Variants in MRPL14 observed in about 807,000 individuals in gnomAD.
MRPL14 encodes the protein mitochondrial ribosomal protein L14.
In MRPL14, 8 loss-of-function variants were observed where a neutral mutation model predicts 10.9. The ratio of observed to expected loss-of-function variants is 0.74; its 90% CI spans 0.43 to 1.33. MRPL14 has a LOEUF of 1.33. Among genes scored for constraint, MRPL14 ranks in the 40% most tolerant of loss-of-function variants. The pLI is 0.01. For missense variants in MRPL14, 179 were observed against 194.5 expected (o/e 0.92, Z 0.47); for synonymous variants, 82 against 74.1 (o/e 1.11, Z -0.54).
chr6:44,114,754 G>A (rs1057247639), intron 2 of MRPL14, among the ~76,000 whole-genome samples: 1 of 152,088 alleles, frequency 6.6e-6, no homozygotes, highest in South Asian at 2.1e-4. Context: ...GAATACATGC[G>A]CCTGCTGCCA....
At chr6:44,116,204 TA>T (rs749788644) in intron 2 of MRPL14, among the ~76,000 whole-genome samples, 1 of 152,208 alleles carries the variant, frequency 6.6e-6, no homozygotes, top group African/African-American at 2.4e-5. Flanking sequence ...TTTTTGTAAT[TA>T]AAAAAATTCC....
chr6:44,125,895 T>C (rs1776967658), intron 1 of MRPL14, among the ~76,000 whole-genome samples: 1 of 152,222 alleles, frequency 6.6e-6, no homozygotes, highest in African/African-American at 2.4e-5. Flanking sequence ...CATCTCCATC[T>C]TCCTTTCTTT....
chr6:44,120,666 AAACT>A (rs1174759306), intron 1 of MRPL14, among the ~76,000 whole-genome samples: 1 of 152,234 alleles, frequency 6.6e-6, no homozygotes, highest in Non-Finnish European at 1.5e-5. Context: ...CCAAAAAAAC[AAACT>A]GTTATACCCT....
At chr6:44,118,643 A>C (rs1161452225) in intron 1 of MRPL14, among the ~76,000 whole-genome samples, 3 of 152,214 alleles carry the variant, frequency 2.0e-5, no homozygotes, top group Admixed American at 1.3e-4. Context: ...GTCACACAGC[A>C]GGCTAAGTGT....
intron 1 of MRPL14, among the ~76,000 whole-genome samples, chr6:44,121,768 C>T (rs1776441807): frequency 6.6e-6 from 1 of 152,130 alleles, no homozygotes; most frequent in South Asian, 2.1e-4. Flanking sequence ...AGTGAAACCC[C>T]GTCTCTACCA....
At position 44,113,819 on chromosome 6, in the gene MRPL14, T is replaced by C; in HGVS notation, c.*24A>G. 3 of 1,530,650 alleles carry C rather than the reference T, an allele frequency of 2.0e-6. No homozygotes were observed. Among genetic ancestry groups the C allele is most frequent in the South Asian group, 2.6e-5 (2 of 77,406 alleles). 94.8% of individuals were successfully genotyped at this position (1,530,650 alleles called of 1,614,324 possible). On this transcript the variant is annotated 3_prime_UTR_variant, in exon 3 of 3. Coordinates refer to ENST00000372014, the MANE Select transcript of MRPL14 (RefSeq NM_032111.4). ...TCAGAACTGCTCCATTCACGAGTCCTGCAACCAGAGGCCTGGGCTCAACTC... is the reference window on the plus strand; with the variant it reads ...TCAGAACTGCTCCATTCACGAGTCCCGCAACCAGAGGCCTGGGCTCAACTC...
At chr6:44,121,355 G>T (rs1317460041) in intron 1 of MRPL14, among the ~76,000 whole-genome samples, 1 of 108,544 alleles carries the variant, frequency 9.2e-6, no homozygotes, top group Non-Finnish European at 1.7e-5. Flanking sequence ...AAGAGCTGGG[G>T]TGGGGGGTGG....
At chr6:44,120,994 T>C (rs760492601) in intron 1 of MRPL14, among the ~76,000 whole-genome samples, 5 of 152,144 alleles carry the variant, frequency 3.3e-5, no homozygotes, top group Non-Finnish European at 5.9e-5. Flanking sequence ...ATCCCACCAC[T>C]AAAATAACTG....
At chr6:44,125,083 T>C (rs932327041) in intron 1 of MRPL14, among the ~76,000 whole-genome samples, 2 of 152,208 alleles carry the variant, frequency 1.3e-5, no homozygotes, top group African/African-American at 4.8e-5. Context: ...CAGGGAAATT[T>C]TGTTGTTGTT....
At chr6:44,119,513 G>A (rs754189036) in intron 1 of MRPL14, among the ~76,000 whole-genome samples, 23 of 151,550 alleles carry the variant, frequency 1.5e-4, no homozygotes, top group Non-Finnish European at 2.6e-4. Context: ...GGGCAATACA[G>A]TGAGACTCCA....
chr6:44,126,082 T>C (rs1241224238), intron 1 of MRPL14, among the ~76,000 whole-genome samples: 2 of 152,236 alleles, frequency 1.3e-5, no homozygotes, highest in Non-Finnish European at 2.9e-5. Context: ...ATTCCTGGCA[T>C]GCTAACTGCA....
At position 44,114,113 on chromosome 6, in the gene MRPL14, G is replaced by A. The variant is rs1775600671; in HGVS notation, c.168C>T (p.Arg56=). ...LGNSPYHRAP[R]CIHVYKKNGV... ...CATTCTTCTTATAGACATGGATGCA[G>A]CGAGGAGCCCGATGGTATGGGCTGT... The change falls in exon 3 of 3, where the codon CGC becomes CGT. Residue 56 remains arginine, a synonymous_variant. Transcript: ENST00000372014. The A allele has an allele frequency of 6.2e-7, 1 of 1,614,082 alleles. No individual in the cohort carries two copies. Among genetic ancestry groups the A allele is most frequent in the Non-Finnish European group, 8.5e-7 (1 of 1,180,052 alleles).
In MRPL14 at chr6:44,113,720, G is replaced by A. The variant is rs1775558263; in HGVS notation, c.*123C>T. ...AAATGAATACATTTATTCTCTCACA[G>A]GATACTACACTGTTACCCAGTGTGA... On this transcript the variant is annotated 3_prime_UTR_variant, in exon 3 of 3. Transcript: ENST00000372014. 2 of 961,062 alleles carry A rather than the reference G, an allele frequency of 2.1e-6. No individual in the cohort carries two copies. The highest frequency in any genetic ancestry group is 1.6e-5 in the African/African-American group (1 of 61,468). The allele number at this position is 961,062 out of a possible 1,614,324, so 59.5% of individuals were successfully genotyped here.
intron 1 of MRPL14, among the ~76,000 whole-genome samples, chr6:44,125,751 C>T (rs1028518920): frequency 9.3e-5 from 14 of 151,056 alleles, no homozygotes; most frequent in African/African-American, 3.4e-4. Flanking sequence ...TTTCAGATAT[C>T]CATTATAATA....
intron 1 of MRPL14, among the ~76,000 whole-genome samples, chr6:44,120,671 G>C (rs573573722): frequency 6.6e-6 from 1 of 152,260 alleles, no homozygotes; most frequent in East Asian, 1.9e-4. Flanking sequence ...AAAACAAACT[G>C]TTATACCCTC....
At chr6:44,121,491 G>A (rs890440195) in intron 1 of MRPL14, among the ~76,000 whole-genome samples, 1 of 152,142 alleles carries the variant, frequency 6.6e-6, no homozygotes, top group African/African-American at 2.4e-5. Context: ...GATTTCAATG[G>A]AATATGGGGG....
chr6:44,126,875 TC>T (rs1302250519), intron 1 of MRPL14: 1 of 152,174 alleles, frequency 6.6e-6, no homozygotes, highest in Non-Finnish European at 1.5e-5. Flanking sequence ...GGCGCACTCA[TC>T]AGCGTTGACA....
chr6:44,114,226 A>T lies in MRPL14; in HGVS notation c.72-17T>A, dbSNP rs778239598. On this transcript the variant is annotated splice_polypyrimidine_tract_variant and intron_variant, in intron 2 of 2. Coordinates refer to ENST00000372014, the MANE Select transcript of MRPL14 (RefSeq NM_032111.4). ...CCAGTGGTGCTGGTGGGAGGAAAAA[A>T]AAAAGTCTGCAGTCTGTATCTCTTA... 1 of 1,596,322 alleles carries T rather than the reference A, an allele frequency of 6.3e-7. No individual in the cohort carries two copies. Among genetic ancestry groups the T allele is most frequent in the Admixed American group, 1.7e-5 (1 of 58,178 alleles).
chr6:44,115,049 G>GA lies in MRPL14; in HGVS notation c.72-841dup, dbSNP rs544747422. On this transcript the variant is annotated intron_variant, in intron 2 of 2. Coordinates refer to ENST00000372014, the MANE Select transcript of MRPL14 (RefSeq NM_032111.4). ...TGTTTTAATACATTTTTTCTCATTA[G>GA]AAAAAAAAATTTTAGAGAGTACTTA... 1.5e-4 allele frequency among the ~76,000 whole-genome samples: 22 copies of GA among 151,548 alleles called. No individual in the cohort carries two copies. The South Asian group carries it at 2.7e-3, about 19-fold the overall frequency.
Sources: gnomAD v4.1 joint callset for allele counts (sites outside exome capture counted in the v4.1 genomes callset) on GRCh38, gnomAD v4.1.1 for gene constraint, MANE v1.5 for transcripts, NCBI Gene and HGNC (gene_info 2026-07-23, HGNC 2026-07-21) for gene names.